USP12: variants seen among roughly 807,000 people sequenced by gnomAD.
USP12 encodes ubiquitin specific peptidase 12.
USP12 carries 19 observed loss-of-function variants against 45.5 expected under a neutral mutation model. That is an observed-to-expected ratio of 0.42 (90% CI 0.29 to 0.61). The LOEUF is 0.61. USP12 is among the 20% of genes least tolerant of loss of function. The pLI is 0.22. For synonymous variants in USP12, 149 were observed against 148.8 expected, an observed-to-expected ratio of 1.00 and a Z score of -0.01; for missense variants, 242 against 447.7, an observed-to-expected ratio of 0.54 and a Z score of 4.15.
At chr13:27,137,081 T>C (rs1166814715) in intron 1 of USP12, among the ~76,000 whole-genome samples, 1 of 152,236 alleles carries the variant, frequency 6.6e-6, no homozygotes, top group African/African-American at 2.4e-5. Context: ...ACAAAGATAG[T>C]GAACAAACTG....
intron 1 of USP12, among the ~76,000 whole-genome samples, chr13:27,142,398 G>A (rs1272434326): frequency 6.6e-6 from 1 of 152,158 alleles, no homozygotes; most frequent in East Asian, 1.9e-4. Context: ...TTGATACTGG[G>A]CATTACTGAG....
At chr13:27,117,839 C>T (rs750662440) in intron 1 of USP12, 35 of 517,770 alleles carry the variant, frequency 6.8e-5, no homozygotes, top group Middle Eastern at 3.2e-4. Flanking sequence ...TGGTCCCCGA[C>T]GACCATGTGA....
chr13:27,111,475 T>C (rs144205577), intron 2 of USP12, among the ~76,000 whole-genome samples: 7 of 152,278 alleles, frequency 4.6e-5, no homozygotes, highest in Non-Finnish European at 8.8e-5. Flanking sequence ...AGGTTTAAAT[T>C]AGGGAGAAGA....
intron 2 of USP12, among the ~76,000 whole-genome samples, chr13:27,112,765 G>C (rs999696841): frequency 2.6e-5 from 4 of 152,146 alleles, no homozygotes; most frequent in African/African-American, 7.2e-5. Flanking sequence ...TATACAGATA[G>C]AGTATAGGCA....
intron 1 of USP12, among the ~76,000 whole-genome samples, chr13:27,134,720 T>C (rs929286423): frequency 3.3e-5 from 5 of 151,918 alleles, no homozygotes; most frequent in African/African-American, 4.8e-5. Flanking sequence ...TTGTACAAGA[T>C]AGACGTCATA....
chr13:27,075,472 A>AACAGAT (rs1873435533), intron 6 of USP12, 84 bp from the exon 7 acceptor site: 1 of 1,244,662 alleles, frequency 8.0e-7, no homozygotes, highest in East Asian at 2.5e-5. Flanking sequence ...ATATCCAATG[A>AACAGAT]ACAGATAGAC....
At chr13:27,170,641 G>C (rs1449362589) in intron 1 of USP12, among the ~76,000 whole-genome samples, 2 of 152,192 alleles carry the variant, frequency 1.3e-5, no homozygotes, top group Non-Finnish European at 2.9e-5. Context: ...TGCTTAATTC[G>C]GGACTTCCAG....
intron 1 of USP12, among the ~76,000 whole-genome samples, chr13:27,142,409 A>T (rs1212880353): frequency 6.6e-6 from 1 of 152,232 alleles, no homozygotes; most frequent in African/African-American, 2.4e-5. Context: ...CATTACTGAG[A>T]TAACTGATTA....
chr13:27,138,076 T>C (rs1593203029), intron 1 of USP12, among the ~76,000 whole-genome samples: 2 of 152,240 alleles, frequency 1.3e-5, no homozygotes, highest in African/African-American at 4.8e-5. Flanking sequence ...AGATGTGACC[T>C]GAGCCCTGGC....
intron 5 of USP12, 53 bp downstream of exon 5, chr13:27,090,029 A>G: frequency 6.3e-7 from 1 of 1,577,684 alleles, no homozygotes; most frequent in Admixed American, 1.7e-5. Context: ...CTTAAAAAAT[A>G]TTCCAGACTA....
intron 2 of USP12, among the ~76,000 whole-genome samples, chr13:27,114,394 C>A (rs930910567): frequency 1.3e-5 from 2 of 152,166 alleles, no homozygotes; most frequent in African/African-American, 4.8e-5. Context: ...ATTTTGCTGA[C>A]TATCTAACAG....
intron 1 of USP12, among the ~76,000 whole-genome samples, chr13:27,133,001 C>T (rs1876579903): frequency 6.6e-6 from 1 of 152,216 alleles, no homozygotes; most frequent in South Asian, 2.1e-4. Context: ...CTGTTGATTC[C>T]AAACTCAAGC....
chr13:27,125,310 C>A (rs143810095), intron 1 of USP12, among the ~76,000 whole-genome samples: 56 of 152,200 alleles, frequency 3.7e-4, no homozygotes, highest in Non-Finnish European at 6.2e-4. Context: ...ATTAGCTTTT[C>A]ATGATTACAT....
chr13:27,159,777 G>A (rs9512562), intron 1 of USP12, among the ~76,000 whole-genome samples: 62,791 of 152,036 alleles, frequency 0.41, 14,853 homozygotes, highest in East Asian at 0.79. Context: ...AATTACAGAT[G>A]TCACATTCAA....
intron 1 of USP12, among the ~76,000 whole-genome samples, chr13:27,144,275 A>G (rs1164987684): frequency 6.6e-6 from 1 of 152,108 alleles, no homozygotes; most frequent in Non-Finnish European, 1.5e-5. Context: ...AGGTGGAAGC[A>G]TCACTTCAGC....
chr13:27,087,150 T>C (rs1874089481), intron 6 of USP12, among the ~76,000 whole-genome samples: 1 of 151,496 alleles, frequency 6.6e-6, no homozygotes, highest in Non-Finnish European at 1.5e-5. Context: ...TGTGTGTTTA[T>C]GCATGTGTGT....
In USP12 at chr13:27,069,391, G is replaced by A; in HGVS notation, c.1012-7C>T. 1.2e-6 allele frequency: 2 copies of A among 1,605,606 alleles called. No homozygotes were observed. The highest frequency in any genetic ancestry group is 1.7e-6 in the Non-Finnish European group (2 of 1,172,618). ...TAGCTTGTGCATCTATTTTCTGTGA[G>A]GTAAAATGTAAACATTAGTACATAA... On this transcript the variant is annotated splice_polypyrimidine_tract_variant and splice_region_variant and intron_variant, in intron 8 of 8. Transcript: ENST00000282344.
In USP12 at chr13:27,116,612, C is replaced by A; in HGVS notation, c.49-16G>T. 1 of 1,607,474 alleles carries A rather than the reference C, an allele frequency of 6.2e-7. No homozygotes were observed. The highest frequency in any genetic ancestry group is 1.3e-5 in the African/African-American group (1 of 74,640). The stretch of plus-strand genomic sequence containing the variant: ...CATTGGCGCCCTATAAAATGAAAAA[C>A]AAAAATCTTAGTATTTATAGTAGTC... On this transcript the variant is annotated splice_polypyrimidine_tract_variant and intron_variant, in intron 1 of 8. Coordinates refer to ENST00000282344, the MANE Select transcript of USP12 (RefSeq NM_182488.4).
At position 27,148,103 on chromosome 13, in the gene USP12, T is replaced by C. The variant is rs574888209; in HGVS notation, c.48+23489A>G. Among the ~76,000 whole-genome samples the C allele has an allele frequency of 1.4e-3, 214 of 149,516 alleles. 2 individuals are homozygous for C. Among genetic ancestry groups the C allele is most frequent in the Non-Finnish European group, 9.2e-4 (62 of 67,668 alleles). On this transcript the variant is annotated intron_variant, in intron 1 of 8. Transcript: ENST00000282344. ...GTGACCGCACTACTGCACTCCAGACTGGGCAACAGAGCGAGACCTATCTCA... is the reference window on the plus strand; with the variant it reads ...GTGACCGCACTACTGCACTCCAGACCGGGCAACAGAGCGAGACCTATCTCA...
Sources: gnomAD v4.1 joint callset for allele counts (sites outside exome capture counted in the v4.1 genomes callset) on GRCh38, gnomAD v4.1.1 for gene constraint, MANE v1.5 for transcripts, NCBI Gene and HGNC (gene_info 2026-07-23, HGNC 2026-07-21) for gene names.